The following SLC71A2 variants were observed in gnomAD, a reference collection of about 807,000 sequenced individuals.
SLC71A2 encodes the protein hippocampus abundant transcript-like 1.
At chr9:94,403,756 A>G in the SLC71A2 span, among the ~76,000 whole-genome samples, 1 of 152,106 alleles carries the variant, frequency 6.6e-6, no homozygotes, top group African/African-American at 2.4e-5. Flanking sequence ...ACCATTTTCC[A>G]TAGGGGCTGC....
chr9:94,442,014 C>T, the SLC71A2 span, among the ~76,000 whole-genome samples: 1 of 152,264 alleles, frequency 6.6e-6, no homozygotes, highest in Non-Finnish European at 1.5e-5. Flanking sequence ...CATGTGTGTT[C>T]CATGCCTGAA....
At chr9:94,450,963 GAGCCTGATTTAACTGGTC>G in the SLC71A2 span, among the ~76,000 whole-genome samples, 1 of 152,160 alleles carries the variant, frequency 6.6e-6, no homozygotes, top group Non-Finnish European at 1.5e-5. Flanking sequence ...TACCGCCAGA[GAGCCTGATTTAACTGGTC>G]TCCAGTGGTC....
the SLC71A2 span, among the ~76,000 whole-genome samples, chr9:94,447,700 A>G: frequency 3.3e-5 from 5 of 152,186 alleles, no homozygotes; most frequent in African/African-American, 1.2e-4. Flanking sequence ...AGTTTACATT[A>G]GGGTTCATGC....
the SLC71A2 span, among the ~76,000 whole-genome samples, chr9:94,446,648 C>T: frequency 6.6e-6 from 1 of 151,782 alleles, no homozygotes; most frequent in Non-Finnish European, 1.5e-5. Flanking sequence ...ATATATACCT[C>T]TGAAATTAAG....
At chr9:94,389,775 T>C in the SLC71A2 span, among the ~76,000 whole-genome samples, 1 of 151,832 alleles carries the variant, frequency 6.6e-6, no homozygotes, top group Non-Finnish European at 1.5e-5. Flanking sequence ...CCTGGCTAAT[T>C]TGTTATTTTT....
the SLC71A2 span, among the ~76,000 whole-genome samples, chr9:94,415,480 C>G: frequency 6.6e-6 from 1 of 151,764 alleles, no homozygotes; most frequent in Non-Finnish European, 1.5e-5. Context: ...TTGAAGTAAA[C>G]TTGGGGGTGC....
the SLC71A2 span, among the ~76,000 whole-genome samples, chr9:94,385,560 A>G: frequency 2.6e-5 from 4 of 152,024 alleles, no homozygotes; most frequent in Admixed American, 2.6e-4. Context: ...GGTGTGAAGT[A>G]GGGGTCCAGC....
the SLC71A2 span, among the ~76,000 whole-genome samples, chr9:94,439,681 T>C: frequency 1.3e-5 from 2 of 152,054 alleles, no homozygotes; most frequent in Admixed American, 1.3e-4. Flanking sequence ...AATTTTTTGG[T>C]ATTGAGTCTT....
the SLC71A2 span, among the ~76,000 whole-genome samples, chr9:94,411,028 A>G: frequency 2.0e-5 from 3 of 152,258 alleles, no homozygotes; most frequent in Admixed American, 6.5e-5. Context: ...GATTACAGGC[A>G]TGAGCCACTG....
chr9:94,382,784 C>G, the SLC71A2 span, among the ~76,000 whole-genome samples: 1 of 152,122 alleles, frequency 6.6e-6, no homozygotes, highest in Non-Finnish European at 1.5e-5. Flanking sequence ...TCCAGCGATT[C>G]TCCTGCCTCA....
chr9:94,453,910 TTC>T, the SLC71A2 span: 1 of 1,231,416 alleles, frequency 8.1e-7, no homozygotes, highest in Admixed American at 1.7e-5. Context: ...TGTATTTTAA[TTC>T]TGTGTGTTGA....
the SLC71A2 span, among the ~76,000 whole-genome samples, chr9:94,379,078 G>T: frequency 1.2e-5 from 1 of 86,910 alleles, no homozygotes; most frequent in African/African-American, 4.0e-5. Context: ...GGGATTCTTG[G>T]TGTGCATTTC....
At chr9:94,453,870 C>T in the SLC71A2 span, 4 of 871,278 alleles carry the variant, frequency 4.6e-6, no homozygotes, top group East Asian at 9.7e-5. Flanking sequence ...GGTCTCTGGT[C>T]ATCAGGGAAG....
the SLC71A2 span, chr9:94,458,228 T>C: frequency 5.6e-6 from 6 of 1,076,570 alleles, no homozygotes; most frequent in Admixed American, 2.7e-5. Flanking sequence ...CTTGCCGAAT[T>C]AGTGTATCAT....
At chr9:94,399,863 T>C in the SLC71A2 span, among the ~76,000 whole-genome samples, 1 of 150,698 alleles carries the variant, frequency 6.6e-6, no homozygotes, top group Non-Finnish European at 1.5e-5. Context: ...TGGAGTGCAA[T>C]GGTGCGATCT....
At chr9:94,446,976 A>T in the SLC71A2 span, 1 of 955,084 alleles carries the variant, frequency 1.0e-6, no homozygotes, top group Non-Finnish European at 1.7e-6. Context: ...ATACCAGGAA[A>T]ATCAAAGATG....
chr9:94,406,787 T>C, the SLC71A2 span, among the ~76,000 whole-genome samples: 1 of 152,164 alleles, frequency 6.6e-6, no homozygotes, highest in Non-Finnish European at 1.5e-5. Context: ...CATTTATTAG[T>C]TGTAACAGGT....
chr9:94,438,681 G>T, the SLC71A2 span, among the ~76,000 whole-genome samples: 1 of 152,316 alleles, frequency 6.6e-6, no homozygotes, highest in South Asian at 2.1e-4. Context: ...AGTTTGGACA[G>T]TTGTCATTAT....
chr9:94,445,822 C>T, the SLC71A2 span, among the ~76,000 whole-genome samples: 31 of 152,300 alleles, frequency 2.0e-4, no homozygotes, highest in African/African-American at 7.0e-4. Flanking sequence ...TTCTGCTTTT[C>T]GTCCCCCAAG....
Sources: gnomAD v4.1 joint callset for allele counts (sites outside exome capture counted in the v4.1 genomes callset) on GRCh38, gnomAD v4.1.1 for gene constraint, MANE v1.5 for transcripts, NCBI Gene and HGNC (gene_info 2026-07-23, HGNC 2026-07-21) for gene names.